PHEX: variants seen among roughly 807,000 people sequenced by gnomAD.
PHEX encodes the protein phosphate regulating endopeptidase X-linked, also known as phosphate-regulating neutral endopeptidase PHEX.
PHEX carries 16 observed loss-of-function variants against 68.0 expected under a neutral mutation model. The ratio of observed to expected loss-of-function variants is 0.24; its 90% confidence interval spans 0.16 to 0.36. The LOEUF (loss-of-function observed/expected upper bound fraction) is 0.36, where lower values mean the gene tolerates loss of function less well. Among genes scored for constraint, PHEX ranks in the 10% least tolerant of loss-of-function variants. The pLI is 1.00. For synonymous variants in PHEX, 208 were observed against 205.1 expected (o/e 1.01, Z -0.12); for missense variants, 480 against 575.5 (o/e 0.83, Z 1.70).
rs187939536 is a variant in PHEX, at chrX:22,199,718, T to G, written c.1645+9216T>G. On this transcript the variant is annotated intron_variant, in intron 15 of 21. Coordinates refer to ENST00000379374, the MANE Select transcript of PHEX (RefSeq NM_000444.6). ...GCATAAGAGTAGTGATGCTGGCAAT[T>G]CAGGTATGCCAAAGAGAAGCTTCCT... Among the ~76,000 whole-genome samples the G allele has an allele frequency of 3.5e-4, 39 of 112,169 alleles. No individual in the cohort carries two copies. The Admixed American group carries it at 3.7e-3, about 11-fold the overall frequency.
At chrX:22,144,338 A>G (rs1198083598) in intron 12 of PHEX, among the ~76,000 whole-genome samples, 1 of 111,755 alleles carries the variant, frequency 8.9e-6, no homozygotes, top group South Asian at 3.7e-4. Context: ...TCTTTGGGGC[A>G]GAGGTACAAA....
chrX:22,245,421 A>G lies in PHEX; in HGVS notation c.2147+12A>G. ...CCCCCTCAGTTTAGGTAAATGGGCAAATGGGTGACGGCAGTTTTTAACTGT... is the reference window on the plus strand; with the variant it reads ...CCCCCTCAGTTTAGGTAAATGGGCAGATGGGTGACGGCAGTTTTTAACTGT... On this transcript the variant is annotated intron_variant, in intron 21 of 21. Coordinates refer to ENST00000379374, the MANE Select transcript of PHEX (RefSeq NM_000444.6). 1 of 1,140,546 alleles carries G rather than the reference A, an allele frequency of 8.8e-7. No homozygotes were observed. The highest frequency in any genetic ancestry group is 3.0e-5 in the East Asian group (1 of 33,549). The allele number at this position is 1,140,546 out of a possible 1,213,427, so 94.0% of individuals were successfully genotyped here.
intron 12 of PHEX, among the ~76,000 whole-genome samples, chrX:22,146,748 C>A (rs1424201170): frequency 1.8e-5 from 2 of 110,822 alleles, no homozygotes; most frequent in African/African-American, 3.3e-5. Flanking sequence ...ACCCAGGAGG[C>A]AGAGGTTGCA....
chrX:22,241,757 G>T (rs986501348), intron 20 of PHEX, among the ~76,000 whole-genome samples: 3 of 111,798 alleles, frequency 2.7e-5, no homozygotes, highest in African/African-American at 9.8e-5. Flanking sequence ...CCAATAACAA[G>T]TTCTGAAATT....
intron 15 of PHEX, 40 bp from the exon 16 acceptor site, chrX:22,212,864 C>G: frequency 1.9e-6 from 2 of 1,063,412 alleles, no homozygotes; most frequent in Non-Finnish European, 2.6e-6. Context: ...ATCATTGAAT[C>G]AATCTCTCTA....
At chrX:22,214,571 T>C (rs1935026082) in intron 16 of PHEX, among the ~76,000 whole-genome samples, 1 of 111,887 alleles carries the variant, frequency 8.9e-6, no homozygotes, top group Non-Finnish European at 1.9e-5. Context: ...TGATCCCATC[T>C]CAGGGACATG....
chrX:22,176,398 A>ATATAT (rs1556067114), intron 13 of PHEX, among the ~76,000 whole-genome samples: 1 of 68,188 alleles, frequency 1.5e-5, no homozygotes, highest in South Asian at 5.3e-4. Context: ...AAAAAAAAAA[A>ATATAT]AAAAATATAT....
intron 3 of PHEX, among the ~76,000 whole-genome samples, chrX:22,068,719 TA>T (rs1488899615): frequency 8.9e-6 from 1 of 112,304 alleles, no homozygotes; most frequent in Non-Finnish European, 1.9e-5. Flanking sequence ...AGCAGGTGCT[TA>T]AAAAATGAAC....
intron 15 of PHEX, among the ~76,000 whole-genome samples, chrX:22,193,916 G>A (rs1371720933): frequency 1.8e-5 from 2 of 112,214 alleles, no homozygotes; most frequent in East Asian, 2.8e-4. Context: ...CTTGGCATTG[G>A]TAGATTTAAT....
intron 15 of PHEX, among the ~76,000 whole-genome samples, chrX:22,191,187 A>AT (rs887081220): frequency 3.6e-5 from 4 of 110,097 alleles, no homozygotes; most frequent in African/African-American, 9.9e-5. Context: ...GCCCAGCTAA[A>AT]TTTTTTTTAT....
At chrX:22,175,540 G>A (rs1933669882) in intron 13 of PHEX, among the ~76,000 whole-genome samples, 1 of 110,956 alleles carries the variant, frequency 9.0e-6, no homozygotes, top group Non-Finnish European at 1.9e-5. Flanking sequence ...TAGAAGAGAC[G>A]GGATTTCACC....
intron 11 of PHEX, among the ~76,000 whole-genome samples, chrX:22,118,447 C>T (rs749909019): frequency 1.8e-5 from 2 of 108,191 alleles, no homozygotes; most frequent in Non-Finnish European, 3.8e-5. Context: ...TACATTAGTG[C>T]AAGTAACTGC....
At chrX:22,235,173 C>A (rs1244106889) in intron 20 of PHEX, among the ~76,000 whole-genome samples, 2 of 111,834 alleles carry the variant, frequency 1.8e-5, no homozygotes, top group Non-Finnish European at 3.8e-5. Flanking sequence ...CACTGTCCAA[C>A]CAGTCCCAAT....
Position 22,226,494 on chromosome X carries a change from C to T in PHEX, c.1951C>T (p.Arg651Trp), listed in dbSNP as rs1416068968. 1.6e-5 allele frequency: 19 copies of T among 1,202,416 alleles called. No homozygotes were observed. The highest frequency in any genetic ancestry group is 3.0e-5 in the East Asian group (1 of 33,700). Reference protein sequence around the residue: ...GENIADNGGLREAFRAYRKWI... With the variant: ...GENIADNGGLWEAFRAYRKWI... ...AAATATTGCTGATAATGGAGGCCTG[C>T]GGGAAGCTTTTAGGGTATGCGCTGC... The change falls in exon 19 of 22, where the codon CGG becomes TGG. Residue 651 changes from arginine (R) to tryptophan (W), a missense_variant. By Grantham distance (101) the Arg-to-Trp change is moderately radical (BLOSUM62 -3). Coordinates refer to ENST00000379374, the MANE Select transcript of PHEX (RefSeq NM_000444.6).
intron 12 of PHEX, chrX:22,162,908 C>A (rs1304850392): frequency 1.8e-5 from 2 of 111,461 alleles, no homozygotes; most frequent in African/African-American, 6.5e-5. Flanking sequence ...CGGCTTCTGG[C>A]ATTGCATCAG....
chrX:22,170,786 TA>T (rs1344634275), intron 13 of PHEX, among the ~76,000 whole-genome samples: 3 of 112,496 alleles, frequency 2.7e-5, no homozygotes, highest in Non-Finnish European at 5.6e-5. Context: ...ATTCTGTTGC[TA>T]AGTTCAGAGC....
At chrX:22,053,372 C>T (rs1013164065) in intron 3 of PHEX, among the ~76,000 whole-genome samples, 9 of 111,769 alleles carry the variant, frequency 8.1e-5, no homozygotes, top group Non-Finnish European at 1.5e-4. Flanking sequence ...CTTGACAGAC[C>T]TGGCTGATGA....
At chrX:22,231,802 T>G (rs1453514803) in intron 20 of PHEX, among the ~76,000 whole-genome samples, 1 of 112,110 alleles carries the variant, frequency 8.9e-6, no homozygotes, top group Non-Finnish European at 1.9e-5. Context: ...ATTTCCTGTT[T>G]TCTGCTAGCT....
intron 12 of PHEX, among the ~76,000 whole-genome samples, chrX:22,146,743 G>A (rs1932714955): frequency 9.0e-6 from 1 of 111,117 alleles, no homozygotes; most frequent in South Asian, 3.8e-4. Context: ...CTTGAACCCA[G>A]GAGGCAGAGG....
Sources: allele counts gnomAD v4.1 joint callset (sites outside exome capture counted in the v4.1 genomes callset), GRCh38; gene constraint gnomAD v4.1.1; transcripts MANE v1.5; gene names NCBI Gene and HGNC (gene_info 2026-07-23, HGNC 2026-07-21).